Variants in FAM110A observed in about 807,000 individuals in gnomAD.
The protein encoded by FAM110A is protein FAM110A.
In FAM110A, 1 loss-of-function variant was observed where a neutral mutation model predicts 4.0. That is an observed-to-expected ratio of 0.25 (90% CI 0.09 to 1.20). FAM110A has a LOEUF of 1.20. FAM110A is among the 50% of genes most tolerant of loss of function. The pLI, the probability that FAM110A is intolerant of heterozygous loss-of-function variation, is 0.50. For synonymous variants in FAM110A, 217 were observed against 196.8 expected (o/e 1.10, Z -0.86); for missense variants, 436 against 429.2 (o/e 1.02, Z -0.14).
intron 1 of FAM110A, chr20:839,462 A>G (rs966710307): frequency 1.2e-5 from 9 of 779,114 alleles, no homozygotes; most frequent in Non-Finnish European, 1.9e-5. Flanking sequence ...GAGGTGGCTG[A>G]CCACGTCCAC....
Position 844,732 on chromosome 20 carries a change from C to T in FAM110A, c.-73C>T, listed in dbSNP as rs1980163089. 4 of 1,356,322 alleles carry T rather than the reference C, an allele frequency of 2.9e-6. No homozygotes were observed. Among genetic ancestry groups the T allele is most frequent in the Middle Eastern group, 2.8e-4 (1 of 3,628 alleles). The allele number at this position is 1,356,322 out of a possible 1,614,324, so 84.0% of individuals were successfully genotyped here. A position where few individuals can be genotyped will look rare whatever the true frequency, so the allele number is the denominator to read the frequency against. ...GCAGTGGCCGGTGTCCAGCTGCCTA[C>T]TTTCTGCCCGGATCTCTGGCTCCTC... On this transcript the variant is annotated 5_prime_UTR_variant, in exon 2 of 2. Transcript: ENST00000381941.
In FAM110A at chr20:840,080, G is replaced by A; in HGVS notation, c.-97-4628G>A. 1.4e-6 allele frequency: 1 copy of A among 713,382 alleles called. No individual in the cohort carries two copies. Among genetic ancestry groups the A allele is most frequent in the Non-Finnish European group, 2.4e-6 (1 of 408,206 alleles). The allele number at this position is 713,382 out of a possible 1,614,324, so 44.2% of individuals were successfully genotyped here. On this transcript the variant is annotated intron_variant, in intron 1 of 1. Coordinates refer to ENST00000381941, the MANE Select transcript of FAM110A (RefSeq NM_001042353.3). The surrounding 1 kb of genome is among the most constrained non-coding windows in gnomAD (Gnocchi z 4.4). ...TGTTGCTTTGCTGTTACTACTATTA[G>A]CGCCTGAAGGAGCCTTCCCTCCCCA... is the stretch of plus-strand genomic sequence containing the variant.
At position 840,746 on chromosome 20, in the gene FAM110A, G is replaced by A. The variant is rs147847226; in HGVS notation, c.-97-3962G>A. Reference sequence around the variant, plus strand: ...GGACACACAGCTAGAAAGTGGTGGCGTTAAGCCTTGGTCTGGAGGGAAAGT... The same window carrying A: ...GGACACACAGCTAGAAAGTGGTGGCATTAAGCCTTGGTCTGGAGGGAAAGT... On this transcript the variant is annotated intron_variant, in intron 1 of 1. Transcript: ENST00000381941. This position sits in a 1 kb window ranked among gnomAD's most constrained non-coding sequence, Gnocchi z 4.4. 9.9e-5 allele frequency among the ~76,000 whole-genome samples: 15 copies of A among 152,270 alleles called. No individual in the cohort carries two copies. In the East Asian group the frequency reaches 1.5e-3, roughly 16 times the overall value.
chr20:840,023 G>A lies in FAM110A; in HGVS notation c.-97-4685G>A. ...GGGCTGGGGCTGGAAAGGAAGGACT[G>A]TTCTTTTCTTTGCTATTACGAAAAT... On this transcript the variant is annotated intron_variant, in intron 1 of 1. Coordinates refer to ENST00000381941, the MANE Select transcript of FAM110A (RefSeq NM_001042353.3). This position sits in a 1 kb window ranked among gnomAD's most constrained non-coding sequence, Gnocchi z 4.4. 1.0e-6 allele frequency: 1 copy of A among 954,948 alleles called. No individual in the cohort carries two copies. Among genetic ancestry groups the A allele is most frequent in the Non-Finnish European group, 1.6e-6 (1 of 607,958 alleles). The allele number at this position is 954,948 out of a possible 1,614,324, so 59.2% of individuals were successfully genotyped here.
At chr20:837,257 T>G (rs1979633879) in intron 1 of FAM110A, among the ~76,000 whole-genome samples, 1 of 152,110 alleles carries the variant, frequency 6.6e-6, no homozygotes, top group Non-Finnish European at 1.5e-5. Flanking sequence ...TTCATCATCT[T>G]GGCCAGTCTG....
rs551887056 is a variant in FAM110A, at chr20:840,082, G to A, written c.-97-4626G>A. 8.6e-6 allele frequency: 6 copies of A among 697,372 alleles called. No individual in the cohort carries two copies. The highest frequency in any genetic ancestry group is 3.5e-5 in the African/African-American group (2 of 56,484). The allele number at this position is 697,372 out of a possible 1,614,324, so 43.2% of individuals were successfully genotyped here. ...TTGCTTTGCTGTTACTACTATTAGC[G>A]CCTGAAGGAGCCTTCCCTCCCCATC... On this transcript the variant is annotated intron_variant, in intron 1 of 1. Transcript: ENST00000381941. This position sits in a 1 kb window ranked among gnomAD's most constrained non-coding sequence, Gnocchi z 4.4.
chr20:834,087 G>C lies in FAM110A; in HGVS notation c.-98+136G>C, dbSNP rs1025052434. 7.2e-5 allele frequency: 11 copies of C among 152,634 alleles called. No homozygotes were observed. The highest frequency in any genetic ancestry group is 2.7e-4 in the African/African-American group (11 of 41,472). 9.5% of individuals were successfully genotyped at this position (152,634 alleles called of 1,614,324 possible). ...AGGACTCTGAGGCTCAGAGAGGCAAGTGTCCCGGCCCGGCGAGCTCTGGCG... is the reference window on the plus strand; with the variant it reads ...AGGACTCTGAGGCTCAGAGAGGCAACTGTCCCGGCCCGGCGAGCTCTGGCG... On this transcript the variant is annotated intron_variant, in intron 1 of 1. Coordinates refer to ENST00000381941, the MANE Select transcript of FAM110A (RefSeq NM_001042353.3). This position sits in a 1 kb window ranked among gnomAD's most constrained non-coding sequence, Gnocchi z 5.6.
intron 1 of FAM110A, among the ~76,000 whole-genome samples, chr20:841,561 T>A (rs1279566359): frequency 2.6e-5 from 4 of 151,766 alleles, no homozygotes; most frequent in African/African-American, 9.7e-5. Context: ...TTTCCGGAAT[T>A]GAGGGAGAGC....
In FAM110A at chr20:845,193, C is replaced by T. The variant is rs1046252423; in HGVS notation, c.389C>T (p.Ala130Val). The T allele has an allele frequency of 1.5e-5, 23 of 1,562,608 alleles. No homozygotes were observed. Among genetic ancestry groups the T allele is most frequent in the Admixed American group, 3.7e-5 (2 of 54,558 alleles). Residue 130 changes from alanine (A) to valine (V), a missense_variant, in exon 2 of 2, where the codon GCC becomes GTC. Physicochemically the swap from Ala to Val is moderately conservative, Grantham distance 64 (BLOSUM62 0). Transcript: ENST00000381941. ...PAEASRTPGR[A>V]EGAGRPPPAT... The stretch of plus-strand genomic sequence containing the variant: ...GAGGCCAGCCGCACTCCTGGACGGG[C>T]CGAGGGAGCCGGCCGTCCTCCCCCA...
intron 1 of FAM110A, among the ~76,000 whole-genome samples, chr20:843,733 G>T (rs1980075771): frequency 6.6e-6 from 1 of 152,232 alleles, no homozygotes; most frequent in South Asian, 2.1e-4. Context: ...CAGGGTCAGG[G>T]TTGGCTTGAT....
chr20:844,593 G>A (rs897768286), intron 1 of FAM110A, 115 bp from the exon 2 acceptor site: 2 of 622,362 alleles, frequency 3.2e-6, no homozygotes, highest in African/African-American at 3.8e-5. Context: ...TCCTTGTGGA[G>A]GGGCGTGGTC....
chr20:845,549 T>C lies in FAM110A; in HGVS notation c.745T>C (p.Ser249Pro). 1 of 1,613,126 alleles carries C rather than the reference T, an allele frequency of 6.2e-7. No individual in the cohort carries two copies. Among genetic ancestry groups the C allele is most frequent in the Non-Finnish European group, 8.5e-7 (1 of 1,179,756 alleles). Residue 249 changes from serine (S) to proline (P), a missense_variant, in exon 2 of 2, where the codon TCC (serine) becomes CCC (proline). By Grantham distance (74) the Ser-to-Pro change is moderately conservative. Coordinates refer to ENST00000381941, the MANE Select transcript of FAM110A (RefSeq NM_001042353.3). ...GCCGGGCAGCTCTGAAGGGGGCTGC[T>C]CCCGCCGCAGCTCGGTGACTGTTGA... ...AGPGSSEGGCSRRSSVTVEER... is the reference protein window; with the variant it reads ...AGPGSSEGGCPRRSSVTVEER...
intron 1 of FAM110A, among the ~76,000 whole-genome samples, chr20:843,084 T>A (rs1395894264): frequency 6.6e-6 from 1 of 152,062 alleles, no homozygotes; most frequent in Non-Finnish European, 1.5e-5. Context: ...AGAGTACTTG[T>A]GCAGGGGATA....
chr20:839,530 T>C (rs1979760846), intron 1 of FAM110A: 2 of 1,041,908 alleles, frequency 1.9e-6, no homozygotes, highest in East Asian at 4.7e-5. Flanking sequence ...GCCTCGGCTT[T>C]CTTGTCAGCA....
At position 834,460 on chromosome 20, in the gene FAM110A, G is replaced by T. The variant is rs1413960500; in HGVS notation, c.-98+509G>T. The stretch of plus-strand genomic sequence containing the variant: ...AGATTCTCCAGCCCCCAGAGCCGCT[G>T]CTGGCCTCTTGGGAATCATCCCCAG... On this transcript the variant is annotated intron_variant, in intron 1 of 1. Coordinates refer to ENST00000381941, the MANE Select transcript of FAM110A (RefSeq NM_001042353.3). The surrounding 1 kb of genome is among the most constrained non-coding windows in gnomAD (Gnocchi z 5.6). 6.6e-6 allele frequency among the ~76,000 whole-genome samples: 1 copy of T among 152,222 alleles called. No homozygotes were observed. Among genetic ancestry groups the T allele is most frequent in the Non-Finnish European group, 1.5e-5 (1 of 68,036 alleles).
intron 1 of FAM110A, chr20:836,263 T>TGGGGG (rs1979571331): frequency 2.3e-5 from 1 of 43,804 alleles, no homozygotes; most frequent in African/African-American, 1.0e-4. Flanking sequence ...GGGGGTGGGG[T>TGGGGG]GGGGCAGTGA....
intron 1 of FAM110A, among the ~76,000 whole-genome samples, chr20:837,054 T>TTG (rs921782964): frequency 7.9e-5 from 11 of 139,930 alleles, no homozygotes; most frequent in Middle Eastern, 3.8e-3. Context: ...TGTTTTTTTT[T>TTG]TTTTTTTTTT....
rs1980338746 is a variant in FAM110A at position 846,017 on chromosome 20, C to T, written c.*325C>T. On this transcript the variant is annotated 3_prime_UTR_variant, in exon 2 of 2. Transcript: ENST00000381941. ...TGCCCTCCCCACTGTGAGTGAGGGG[C>T]CAAGGGATCTCCTCAATCCTGTCTC... 1 of 367,894 alleles carries T rather than the reference C, an allele frequency of 2.7e-6. No homozygotes were observed. The highest frequency in any genetic ancestry group is 5.2e-6 in the Non-Finnish European group (1 of 191,898). The allele number at this position is 367,894 out of a possible 1,614,324, so 22.8% of individuals were successfully genotyped here.
intron 1 of FAM110A, chr20:839,437 C>T (rs933720380): frequency 1.4e-6 from 1 of 706,444 alleles, no homozygotes; most frequent in African/African-American, 1.7e-5. Flanking sequence ...TGAAATAATC[C>T]TCTCCAATTT....
Sources: allele counts gnomAD v4.1 joint callset (sites outside exome capture counted in the v4.1 genomes callset), GRCh38; gene constraint gnomAD v4.1.1; non-coding constraint Gnocchi (gnomAD v3.1); transcripts MANE v1.5; gene names NCBI Gene and HGNC (gene_info 2026-07-23, HGNC 2026-07-21).